RBFOX1: variants seen among roughly 807,000 people sequenced by gnomAD.
The protein encoded by RBFOX1 is RNA binding fox-1 homolog 1, also known as RNA binding protein fox-1 homolog 1.
RBFOX1 carries 8 observed loss-of-function variants against 57.7 expected under a neutral mutation model. The observed-to-expected ratio is 0.14, with a 90% confidence interval of 0.08 to 0.25. The LOEUF (loss-of-function observed/expected upper bound fraction) is 0.25, where lower values mean the gene tolerates loss of function less well. Ranked by LOEUF, RBFOX1 falls within the 10% of genes least tolerant of loss-of-function variation. The probability of loss-of-function intolerance (pLI) is 1.00; values close to 1 mark genes in which losing one functional copy is unlikely to be tolerated. For synonymous variants in RBFOX1, 326 were observed against 222.4 expected (o/e 1.47, Z -4.15); for missense variants, 611 against 548.5 (o/e 1.11, Z -1.14).
In RBFOX1 at chr16:5,424,870, C is replaced by T. The variant is rs199597828; in HGVS notation, c.220-42346C>T. Among the ~76,000 whole-genome samples, 991 of 124,908 alleles carry T rather than the reference C, an allele frequency of 7.9e-3. 42 individuals are homozygous for T. Among genetic ancestry groups the T allele is most frequent in the African/African-American group, 0.022 (667 of 29,656 alleles). The allele number at this position is 124,908 out of a possible 152,430, so 81.9% of individuals were successfully genotyped here. ...CTTTCTCTCTCTCTCTTCTTTCTTT[C>T]TTTTTTTTCTTTCTTTCTTTCTTTC... On this transcript the variant is annotated intron_variant, in intron 1 of 2. Transcript: ENST00000585867.
intron 3 of RBFOX1, among the ~76,000 whole-genome samples, chr16:6,847,655 C>G (rs2093828366): frequency 1.3e-5 from 2 of 151,942 alleles, no homozygotes; most frequent in South Asian, 4.2e-4. Context: ...TTCAGTCGAC[C>G]ACAGCATAAC....
intron 3 of RBFOX1, among the ~76,000 whole-genome samples, chr16:6,927,558 G>T (rs549565541): frequency 6.7e-6 from 1 of 150,290 alleles, no homozygotes; most frequent in Non-Finnish European, 1.5e-5. Context: ...TTTGTTTTTC[G>T]TTTTTGCATC....
chr16:5,671,476 G>A (rs1040872682), intron 3 of RBFOX1, among the ~76,000 whole-genome samples: 1 of 152,112 alleles, frequency 6.6e-6, no homozygotes, highest in Non-Finnish European at 1.5e-5. Flanking sequence ...TAGTGTATGC[G>A]GTGCATGTTG....
At chr16:7,608,918 T>C (rs556350445) in intron 10 of RBFOX1, among the ~76,000 whole-genome samples, 113 of 152,354 alleles carry the variant, frequency 7.4e-4, no homozygotes, top group African/African-American at 2.5e-3. Context: ...CCTTCATTGA[T>C]GAGAGTACTA....
intron 3 of RBFOX1, among the ~76,000 whole-genome samples, chr16:5,746,731 C>T (rs2052996709): frequency 6.6e-6 from 1 of 152,182 alleles, no homozygotes; most frequent in Non-Finnish European, 1.5e-5. Context: ...CATGATTTGG[C>T]TCTCTGTTTG....
intron 3 of RBFOX1, among the ~76,000 whole-genome samples, chr16:5,631,757 A>T (rs998128466): frequency 6.6e-6 from 1 of 152,012 alleles, no homozygotes; most frequent in Admixed American, 6.6e-5. Flanking sequence ...CTTACTGAGT[A>T]TTTATTCAAT....
At chr16:6,846,533 G>C (rs1237082520) in intron 3 of RBFOX1, among the ~76,000 whole-genome samples, 1 of 152,182 alleles carries the variant, frequency 6.6e-6, no homozygotes, top group Non-Finnish European at 1.5e-5. Context: ...CCAGACAGGG[G>C]AGGAATCAAG....
intron 14 of RBFOX1, among the ~76,000 whole-genome samples, chr16:7,696,709 T>C (rs1198628859): frequency 6.6e-6 from 1 of 152,058 alleles, no homozygotes; most frequent in Non-Finnish European, 1.5e-5. Flanking sequence ...ATAATATATA[T>C]GCATAGTAAG....
intron 4 of RBFOX1, among the ~76,000 whole-genome samples, chr16:5,868,184 G>T (rs1450617339): frequency 1.3e-5 from 2 of 152,180 alleles, no homozygotes; most frequent in Non-Finnish European, 2.9e-5. Context: ...TGCCCAGCAC[G>T]ATAGAGCCGG....
chr16:5,333,867 G>C lies in RBFOX1; in HGVS notation c.219+93762G>C, dbSNP rs553912314. Among the ~76,000 whole-genome samples the C allele has an allele frequency of 2.6e-5, 4 of 152,298 alleles. No homozygotes were observed. The South Asian group carries it at 8.3e-4, about 32-fold the overall frequency. ...CATATCTCAACATAGAAAAGGTACAGTAAAAATACAGCATTATAATCTTAT... is the reference window on the plus strand; with the variant it reads ...CATATCTCAACATAGAAAAGGTACACTAAAAATACAGCATTATAATCTTAT... On this transcript the variant is annotated intron_variant, in intron 1 of 2. Transcript: ENST00000585867.
intron 2 of RBFOX1, among the ~76,000 whole-genome samples, chr16:6,427,750 T>A (rs2093971843): frequency 6.6e-6 from 1 of 152,202 alleles, no homozygotes. Context: ...AGTTGTATTA[T>A]CAGTGTGATA....
At chr16:7,252,564 C>T (rs920590460) in intron 4 of RBFOX1, among the ~76,000 whole-genome samples, 1 of 152,148 alleles carries the variant, frequency 6.6e-6, no homozygotes, top group African/African-American at 2.4e-5. Context: ...GTCCATCATC[C>T]AATATAACAG....
At chr16:7,421,888 A>G (rs2098546192) in intron 4 of RBFOX1, among the ~76,000 whole-genome samples, 1 of 150,284 alleles carries the variant, frequency 6.7e-6, no homozygotes, top group Non-Finnish European at 1.5e-5. Flanking sequence ...AGGAGAAGTG[A>G]GCCCTTAAAA....
intron 2 of RBFOX1, among the ~76,000 whole-genome samples, chr16:6,651,859 T>C (rs1160970867): frequency 6.6e-6 from 1 of 152,178 alleles, no homozygotes; most frequent in African/African-American, 2.4e-5. Flanking sequence ...ATGTGGTCTC[T>C]CCATACAATG....
At chr16:7,300,254 C>G (rs554113688) in intron 4 of RBFOX1, among the ~76,000 whole-genome samples, 1 of 151,756 alleles carries the variant, frequency 6.6e-6, no homozygotes, top group Admixed American at 6.6e-5. Flanking sequence ...TGTCTAATGT[C>G]AGGGACCTTT....
chr16:6,743,170 A>G (rs1488804444), intron 3 of RBFOX1, among the ~76,000 whole-genome samples: 3 of 152,226 alleles, frequency 2.0e-5, no homozygotes, highest in Non-Finnish European at 2.9e-5. Context: ...TTCCCACTAA[A>G]AAGATGAAAT....
chr16:5,349,322 A>T (rs117429863), intron 1 of RBFOX1, among the ~76,000 whole-genome samples: 5 of 152,192 alleles, frequency 3.3e-5, no homozygotes, highest in Non-Finnish European at 1.5e-5. Context: ...TGCAAGATGC[A>T]TATGTTGTAA....
intron 4 of RBFOX1, among the ~76,000 whole-genome samples, chr16:7,517,848 TA>T (rs1260907108): frequency 6.6e-6 from 1 of 151,216 alleles, no homozygotes; most frequent in Non-Finnish European, 1.5e-5. Flanking sequence ...ATCAATCTAG[TA>T]AAGCCACAGA....
intron 3 of RBFOX1, among the ~76,000 whole-genome samples, chr16:5,732,971 A>G (rs1277988140): frequency 6.6e-6 from 1 of 152,140 alleles, no homozygotes; most frequent in Non-Finnish European, 1.5e-5. Flanking sequence ...GGTGATGGAA[A>G]TGTTCCATGT....
Sources: allele counts gnomAD v4.1 joint callset (sites outside exome capture counted in the v4.1 genomes callset), GRCh38; gene constraint gnomAD v4.1.1; transcripts MANE v1.5; gene names NCBI Gene and HGNC (gene_info 2026-07-23, HGNC 2026-07-21).